Variants in OPCML observed in about 807,000 individuals in gnomAD.
OPCML encodes the protein opioid-binding protein/cell adhesion molecule.
In OPCML, 13 loss-of-function variants were observed where a neutral mutation model predicts 37.8. The ratio of observed to expected loss-of-function variants is 0.34; its 90% CI spans 0.22 to 0.55. The LOEUF is 0.55. Among genes scored for constraint, OPCML ranks in the 20% least tolerant of loss-of-function variants. The probability of loss-of-function intolerance (pLI) is 0.91; values close to 1 mark genes in which losing one functional copy is unlikely to be tolerated. For synonymous variants in OPCML, 176 were observed against 168.8 expected (o/e 1.04, Z -0.33); for missense variants, 341 against 435.6 (o/e 0.78, Z 1.93).
At chr11:133,307,351 T>C (rs775045512) in intron 1 of OPCML, among the ~76,000 whole-genome samples, 4 of 152,162 alleles carry the variant, frequency 2.6e-5, no homozygotes, top group Non-Finnish European at 5.9e-5. Context: ...GTCATGCATA[T>C]GGCCAAAAGC....
At chr11:132,631,797 A>G (rs558277031) in intron 3 of OPCML, among the ~76,000 whole-genome samples, 1 of 152,284 alleles carries the variant, frequency 6.6e-6, no homozygotes, top group South Asian at 2.1e-4. Context: ...ATATTAGGAA[A>G]TAGATTTAAA....
chr11:132,948,907 A>G (rs7933541), intron 1 of OPCML, among the ~76,000 whole-genome samples: 3,181 of 152,306 alleles, frequency 0.021, 94 homozygotes, highest in African/African-American at 0.064. Flanking sequence ...GTTTATGACA[A>G]TTTGTAACAG....
chr11:133,487,082 C>A (rs1947544613), intron 1 of OPCML, among the ~76,000 whole-genome samples: 1 of 152,138 alleles, frequency 6.6e-6, no homozygotes. Context: ...CCTACCTCCT[C>A]TCTTTCCTCT....
chr11:132,682,421 T>C (rs948434385), intron 2 of OPCML, among the ~76,000 whole-genome samples: 22 of 152,210 alleles, frequency 1.4e-4, no homozygotes, highest in African/African-American at 5.3e-4. Flanking sequence ...AAAACTCTTT[T>C]CCTTCTCTTT....
chr11:133,138,064 G>T (rs1339240099), intron 1 of OPCML, among the ~76,000 whole-genome samples: 3 of 152,078 alleles, frequency 2.0e-5, no homozygotes, highest in Non-Finnish European at 4.4e-5. Flanking sequence ...GAGGTGTTTG[G>T]GTCCTGGGGG....
chr11:132,971,525 C>T lies in OPCML; in HGVS notation c.62-28515G>A, dbSNP rs571602318. Among the ~76,000 whole-genome samples, 142 of 152,326 alleles carry T rather than the reference C, an allele frequency of 9.3e-4. 3 individuals are homozygous for T. The South Asian group carries it at 0.029, about 31-fold the overall frequency. On this transcript the variant is annotated intron_variant, in intron 1 of 7. Transcript: ENST00000524381. ...TCTTCTCCAGCATTGATGTGCTTTG[C>T]ACTATAGCTTTTCTTGACTTGATAC...
chr11:133,342,224 G>T lies in OPCML; in HGVS notation c.61+190040C>A, dbSNP rs551010649. Among the ~76,000 whole-genome samples, 5 of 152,238 alleles carry T rather than the reference G, an allele frequency of 3.3e-5. No individual in the cohort carries two copies. In the South Asian group the frequency reaches 8.3e-4, roughly 25 times the overall value. The stretch of plus-strand genomic sequence containing the variant: ...GGCCTCCATCTTTCAGAGACTCCCA[G>T]GGGGAAGAGAACTAACACACTAGAA... On this transcript the variant is annotated intron_variant, in intron 1 of 7. Coordinates refer to ENST00000524381, the MANE Select transcript of OPCML (RefSeq NM_001012393.5).
intron 1 of OPCML, chr11:133,068,087 C>G (rs1327110065): frequency 1.3e-5 from 2 of 152,226 alleles, no homozygotes; most frequent in Non-Finnish European, 1.5e-5. Flanking sequence ...CTGTTCCAAC[C>G]AAAATTGATC....
intron 1 of OPCML, among the ~76,000 whole-genome samples, chr11:133,043,321 T>A (rs1947944199): frequency 6.6e-6 from 1 of 152,164 alleles, no homozygotes; most frequent in Non-Finnish European, 1.5e-5. Flanking sequence ...AGAGGGCACA[T>A]ATGAAACCCC....
At chr11:132,922,229 T>A (rs926269646) in intron 2 of OPCML, among the ~76,000 whole-genome samples, 1 of 152,138 alleles carries the variant, frequency 6.6e-6, no homozygotes, top group Non-Finnish European at 1.5e-5. Flanking sequence ...TATTTGGTGT[T>A]AAGAGCATCC....
chr11:133,314,135 T>C (rs1490246993), intron 1 of OPCML, among the ~76,000 whole-genome samples: 2 of 140,424 alleles, frequency 1.4e-5, no homozygotes, highest in Non-Finnish European at 3.0e-5. Context: ...CTTGGGAGGC[T>C]GAGGCAGGAG....
chr11:133,044,499 G>T (rs1029088366), intron 1 of OPCML, among the ~76,000 whole-genome samples: 5 of 152,236 alleles, frequency 3.3e-5, no homozygotes, highest in Non-Finnish European at 5.9e-5. Flanking sequence ...GTCTTTAAAA[G>T]CTCATCAAGG....
At chr11:132,474,228 C>A (rs1328826233) in intron 4 of OPCML, among the ~76,000 whole-genome samples, 1 of 152,084 alleles carries the variant, frequency 6.6e-6, no homozygotes, top group Non-Finnish European at 1.5e-5. Context: ...AGCCTGCCTC[C>A]TGCCTTTGTA....
At chr11:133,048,766 G>A (rs879680678) in intron 1 of OPCML, among the ~76,000 whole-genome samples, 2 of 152,126 alleles carry the variant, frequency 1.3e-5, no homozygotes, top group African/African-American at 4.8e-5. Context: ...TCAAGATTGA[G>A]GTCTGGAACT....
chr11:133,070,113 C>T (rs755639647), intron 1 of OPCML, among the ~76,000 whole-genome samples: 3 of 152,064 alleles, frequency 2.0e-5, no homozygotes, highest in East Asian at 1.9e-4. Context: ...CAAGAGAGTC[C>T]GTTCCACCAT....
intron 2 of OPCML, among the ~76,000 whole-genome samples, chr11:132,938,924 T>C (rs1302862076): frequency 6.6e-6 from 1 of 152,086 alleles, no homozygotes; most frequent in Non-Finnish European, 1.5e-5. Context: ...AACCCAGGAA[T>C]TTTGACATCA....
intron 3 of OPCML, among the ~76,000 whole-genome samples, chr11:132,565,083 G>T (rs2096419307): frequency 6.6e-6 from 1 of 152,078 alleles, no homozygotes; most frequent in Admixed American, 6.6e-5. Flanking sequence ...AATCTTAACG[G>T]TATCTCTACA....
At chr11:132,661,688 C>G (rs1213295685) in intron 2 of OPCML, among the ~76,000 whole-genome samples, 1 of 152,206 alleles carries the variant, frequency 6.6e-6, no homozygotes, top group Non-Finnish European at 1.5e-5. Flanking sequence ...TTCTTACATT[C>G]CAAGCTAACC....
chr11:133,109,044 T>C (rs1211345725), intron 1 of OPCML, among the ~76,000 whole-genome samples: 1 of 152,202 alleles, frequency 6.6e-6, no homozygotes, highest in African/African-American at 2.4e-5. Context: ...ATGTCTTTAC[T>C]GGGTTTCCTG....
Sources: gnomAD v4.1 joint callset for allele counts (sites outside exome capture counted in the v4.1 genomes callset) on GRCh38, gnomAD v4.1.1 for gene constraint, MANE v1.5 for transcripts, NCBI Gene and HGNC (gene_info 2026-07-23, HGNC 2026-07-21) for gene names.